Variants in UBE2Z observed in about 807,000 individuals in gnomAD.
UBE2Z encodes ubiquitin-conjugating enzyme E2 Z.
UBE2Z carries 10 observed loss-of-function variants against 32.6 expected under a neutral mutation model. The ratio of observed to expected loss-of-function variants is 0.31; its 90% confidence interval spans 0.19 to 0.52. The LOEUF (loss-of-function observed/expected upper bound fraction) is 0.52. Among genes scored for constraint, UBE2Z ranks in the 20% least tolerant of loss-of-function variants. The probability of loss-of-function intolerance (pLI) is 0.97; values close to 1 mark genes in which losing one functional copy is unlikely to be tolerated. For synonymous variants in UBE2Z, 183 were observed against 190.8 expected (o/e 0.96, Z 0.34); for missense variants, 343 against 480.9 (o/e 0.71, Z 2.68).
intron 5 of UBE2Z, 87 bp from the exon 6 acceptor site, chr17:48,922,760 C>G: frequency 9.9e-7 from 1 of 1,007,086 alleles, no homozygotes; most frequent in Non-Finnish European, 1.5e-6. Flanking sequence ...GAGCAAGACT[C>G]CATCTGAAAA....
At position 48,927,444 on chromosome 17, in the gene UBE2Z, A is replaced by G; in HGVS notation, c.*310A>G. 3.4e-6 allele frequency: 1 copy of G among 296,098 alleles called. No homozygotes were observed. Among genetic ancestry groups the G allele is most frequent in the Non-Finnish European group, 6.6e-6 (1 of 151,776 alleles). The allele number at this position is 296,098 out of a possible 1,614,324, so 18.3% of individuals were successfully genotyped here. A position where few individuals can be genotyped will look rare whatever the true frequency, so the allele number is the denominator to read the frequency against. ...CAAAACAACCAACACACCTCTCCACAGGGCCAGCTCCTTAGGGATAAGTGG... is the reference window on the plus strand; with the variant it reads ...CAAAACAACCAACACACCTCTCCACGGGGCCAGCTCCTTAGGGATAAGTGG... On this transcript the variant is annotated 3_prime_UTR_variant, in exon 7 of 7. Transcript: ENST00000360943.
At chr17:48,920,729 T>A (rs1474355585) in intron 4 of UBE2Z, among the ~76,000 whole-genome samples, 1 of 152,066 alleles carries the variant, frequency 6.6e-6, no homozygotes, top group Non-Finnish European at 1.5e-5. Context: ...AGGAACTTAC[T>A]TTGTTGTCTA....
intron 6 of UBE2Z, 34 bp from the exon 7 acceptor site, chr17:48,926,930 G>T: frequency 6.3e-7 from 1 of 1,594,710 alleles, no homozygotes; most frequent in Non-Finnish European, 8.6e-7. Context: ...ACCCAGACTT[G>T]AATCTTCCAT....
At chr17:48,918,375 T>G (rs1433746996) in intron 4 of UBE2Z, among the ~76,000 whole-genome samples, 2 of 151,530 alleles carry the variant, frequency 1.3e-5, no homozygotes, top group African/African-American at 4.9e-5. Context: ...ACTCCATCAC[T>G]CAGGCTGGAG....
At chr17:48,922,550 G>T (rs541163810) in intron 5 of UBE2Z, among the ~76,000 whole-genome samples, 2 of 151,664 alleles carry the variant, frequency 1.3e-5, no homozygotes, top group African/African-American at 4.8e-5. Flanking sequence ...AGGCAGATCA[G>T]TTGAGGTCAG....
At chr17:48,924,483 G>A (rs1182972808) in intron 6 of UBE2Z, among the ~76,000 whole-genome samples, 1 of 152,156 alleles carries the variant, frequency 6.6e-6, no homozygotes, top group South Asian at 2.1e-4. Flanking sequence ...TGGGAAAAGT[G>A]TGCTTTTGCT....
intron 6 of UBE2Z, among the ~76,000 whole-genome samples, chr17:48,926,160 G>A (rs1339057610): frequency 1.3e-5 from 2 of 152,220 alleles, no homozygotes; most frequent in East Asian, 1.9e-4. Context: ...ATGGAGTGAC[G>A]AGTCCCTGGG....
chr17:48,923,422 G>C (rs2040777068), intron 6 of UBE2Z, among the ~76,000 whole-genome samples: 1 of 151,860 alleles, frequency 6.6e-6, no homozygotes. Flanking sequence ...CCTGAGGTCG[G>C]GAGTGTGAGA....
In UBE2Z at chr17:48,922,941, A is replaced by G. The variant is rs2040770811; in HGVS notation, c.894+4A>G. On this transcript the variant is annotated splice_donor_region_variant and intron_variant, in intron 6 of 6. Coordinates refer to ENST00000360943, the MANE Select transcript of UBE2Z (RefSeq NM_023079.5). ...CCTTCAAGGCCAAACTATGCAGGTAATACAACCCCTGCTGCTAATTGCAGA... is the reference window on the plus strand; with the variant it reads ...CCTTCAAGGCCAAACTATGCAGGTAGTACAACCCCTGCTGCTAATTGCAGA... The G allele has an allele frequency of 1.9e-6, 3 of 1,607,288 alleles. No homozygotes were observed. Among genetic ancestry groups the G allele is most frequent in the Admixed American group, 1.7e-5 (1 of 59,650 alleles).
chr17:48,911,728 G>C (rs546728577), intron 2 of UBE2Z: 1 of 152,252 alleles, frequency 6.6e-6, no homozygotes, highest in East Asian at 1.9e-4. Flanking sequence ...TCAAGTACCA[G>C]TGTTAATAGC....
intron 3 of UBE2Z, among the ~76,000 whole-genome samples, chr17:48,913,358 GT>G (rs1435889070): frequency 6.6e-6 from 1 of 152,056 alleles, no homozygotes; most frequent in Non-Finnish European, 1.5e-5. Flanking sequence ...TTTGGTTGTT[GT>G]TTTTTGTTTG....
chr17:48,914,790 C>T (rs576684242), intron 3 of UBE2Z, among the ~76,000 whole-genome samples: 6 of 152,068 alleles, frequency 3.9e-5, no homozygotes, highest in African/African-American at 1.4e-4. Flanking sequence ...TTTGGGAGGC[C>T]GAGGCGGGTG....
chr17:48,919,599 TCTG>T (rs905557505), intron 4 of UBE2Z, among the ~76,000 whole-genome samples: 1 of 152,102 alleles, frequency 6.6e-6, no homozygotes, highest in African/African-American at 2.4e-5. Flanking sequence ...ACCTCAGCCT[TCTG>T]AGTAGCTGGG....
At chr17:48,913,072 C>T (rs1365295644) in intron 3 of UBE2Z, 51 bp downstream of exon 3, 6 of 1,565,744 alleles carry the variant, frequency 3.8e-6, no homozygotes, top group Non-Finnish European at 5.2e-6. Context: ...GATAATTACT[C>T]TAGGTCAGCC....
rs777003548 is a variant in UBE2Z at position 48,910,859 on chromosome 17, T to C, written c.369T>C (p.Pro123=). The change falls in exon 2 of 7, where the codon CCT becomes CCC. Residue 123 remains proline, a synonymous_variant. Coordinates refer to ENST00000360943, the MANE Select transcript of UBE2Z (RefSeq NM_023079.5). The part of the protein sequence containing the change: ...KEPPPGMFVV[P]DTVDMTKIHA... ...CTCCTCCAGGAATGTTCGTTGTACC[T>C]GATACTGTTGACATGACTAAGGTAT... The C allele has an allele frequency of 1.2e-6, 2 of 1,613,508 alleles. No homozygotes were observed. The highest frequency in any genetic ancestry group is 4.5e-5 in the East Asian group (2 of 44,870).
chr17:48,918,477 G>A (rs2040736038), intron 4 of UBE2Z, among the ~76,000 whole-genome samples: 1 of 151,726 alleles, frequency 6.6e-6, no homozygotes, highest in South Asian at 2.1e-4. Flanking sequence ...GGGACTACAG[G>A]CGCACACCAC....
rs1174677433 is a variant in UBE2Z, at chr17:48,927,442, AC to A, written c.*309del. ...AACAAAACAACCAACACACCTCTCC[AC>A]AGGGCCAGCTCCTTAGGGATAAGTG... On this transcript the variant is annotated 3_prime_UTR_variant, in exon 7 of 7. Transcript: ENST00000360943. The A allele has an allele frequency of 6.7e-6, 2 of 298,522 alleles. No homozygotes were observed. Among genetic ancestry groups the A allele is most frequent in the African/African-American group, 4.2e-5 (2 of 47,752 alleles). 18.5% of individuals were successfully genotyped at this position (298,522 alleles called of 1,614,324 possible).
intron 4 of UBE2Z, among the ~76,000 whole-genome samples, chr17:48,917,540 AC>A (rs2040729385): frequency 6.6e-6 from 1 of 152,122 alleles, no homozygotes; most frequent in South Asian, 2.1e-4. Flanking sequence ...AAGGACTGTT[AC>A]CTGCAGAGTC....
chr17:48,922,619 T>C (rs1454214518), intron 5 of UBE2Z, among the ~76,000 whole-genome samples: 1 of 151,010 alleles, frequency 6.6e-6, no homozygotes, highest in Non-Finnish European at 1.5e-5. Context: ...AAACAAAAAT[T>C]AGCCAGGCGT....
Sources: gnomAD v4.1 joint callset for allele counts (sites outside exome capture counted in the v4.1 genomes callset) on GRCh38, gnomAD v4.1.1 for gene constraint, MANE v1.5 for transcripts, NCBI Gene and HGNC (gene_info 2026-07-23, HGNC 2026-07-21) for gene names.